Variants in ZNF735 observed in about 807,000 individuals in gnomAD.
The protein encoded by ZNF735 is zinc finger protein 735, also known as putative zinc finger protein 735.
In ZNF735, 11 loss-of-function variants were observed where a neutral mutation model predicts 13.4. That is an observed-to-expected ratio of 0.82 (90% CI 0.52 to 1.36). The LOEUF (loss-of-function observed/expected upper bound fraction) is 1.36, where lower values mean the gene tolerates loss of function less well. Among genes scored for constraint, ZNF735 ranks in the 40% most tolerant of loss-of-function variants. The pLI, the probability that ZNF735 is intolerant of heterozygous loss-of-function variation, is 0.00. For missense variants in ZNF735, 500 were observed against 484.6 expected, an observed-to-expected ratio of 1.03 and a Z score of -0.30; for synonymous variants, 171 against 162.6, an observed-to-expected ratio of 1.05 and a Z score of -0.39.
At chr7:64,208,065 CTGTTA>C (rs1787310691) in intron 1 of ZNF735, among the ~76,000 whole-genome samples, 1 of 151,540 alleles carries the variant, frequency 6.6e-6, no homozygotes, top group Non-Finnish European at 1.5e-5. Flanking sequence ...GAAGAAAAGT[CTGTTA>C]TAAGTTGCAT....
chr7:64,215,891 T>C (rs1787414056), intron 3 of ZNF735, among the ~76,000 whole-genome samples: 1 of 152,222 alleles, frequency 6.6e-6, no homozygotes, highest in African/African-American at 2.4e-5. Flanking sequence ...TGTCTTTGTG[T>C]GAATACCACA....
Position 64,219,832 on chromosome 7 carries a change from A to G in ZNF735, c.781A>G (p.Arg261Gly). ...GCCCTCAAACCTTACTAGACATAAG[A>G]GAATTCACACTGGAGAGAAACCCTA... The change falls in exon 4 of 4, where the codon AGA (arginine) becomes GGA (glycine). Residue 261 changes from arginine (R) to glycine (G), a missense_variant. Coordinates refer to ENST00000429565, the Ensembl canonical transcript of ZNF735. 5 of 1,613,698 alleles carry G rather than the reference A, an allele frequency of 3.1e-6. No homozygotes were observed. The South Asian group carries it at 5.5e-5, about 18-fold the overall frequency.
intron 1 of ZNF735, among the ~76,000 whole-genome samples, chr7:64,211,036 T>C (rs1787354075): frequency 6.6e-6 from 1 of 152,214 alleles, no homozygotes; most frequent in South Asian, 2.1e-4. Flanking sequence ...GTTTGGAAAT[T>C]GCAAATTTTT....
At chr7:64,209,590 G>T (rs561103420) in intron 1 of ZNF735, among the ~76,000 whole-genome samples, 80 of 152,018 alleles carry the variant, frequency 5.3e-4, no homozygotes, top group African/African-American at 1.7e-3. Flanking sequence ...CTCTGAAAGT[G>T]CTGGGATTCC....
chr7:64,212,831 T>C (rs1787376769), intron 1 of ZNF735, among the ~76,000 whole-genome samples: 1 of 151,632 alleles, frequency 6.6e-6, no homozygotes, highest in African/African-American at 2.4e-5. Context: ...GACAAGTCCA[T>C]GTTGATGCCC....
intron 1 of ZNF735, among the ~76,000 whole-genome samples, chr7:64,209,982 G>A (rs1787337292): frequency 6.6e-6 from 1 of 151,806 alleles, no homozygotes; most frequent in Non-Finnish European, 1.5e-5. Context: ...TTTTTGTATT[G>A]AATTATTATT....
At chr7:64,215,749 T>C (rs1787412625) in intron 3 of ZNF735, among the ~76,000 whole-genome samples, 2 of 152,174 alleles carry the variant, frequency 1.3e-5, no homozygotes, top group African/African-American at 4.8e-5. Flanking sequence ...GATATCCAGT[T>C]TTCAACATTA....
At chr7:64,219,208 ATGCCATTT>A (rs1787456800) in intron 3 of ZNF735, 98 bp from the exon 4 acceptor site, 15 of 1,380,050 alleles carry the variant, frequency 1.1e-5, no homozygotes, top group Non-Finnish European at 1.5e-5. Flanking sequence ...GTATTTTGAT[ATGCCATTT>A]TGCTAATGTA....
In ZNF735 at chr7:64,216,123, G is replaced by A. The variant is rs370027601; in HGVS notation, c.262+2015G>A. On this transcript the variant is annotated intron_variant, in intron 3 of 3. Transcript: ENST00000429565. ...ATCCTGGCTAACAAGGTGAAAACCCGTCTCTACTAAAAAATACAAAAAATT... is the reference window on the plus strand; with the variant it reads ...ATCCTGGCTAACAAGGTGAAAACCCATCTCTACTAAAAAATACAAAAAATT... Among the ~76,000 whole-genome samples, 150 of 151,846 alleles carry A rather than the reference G, an allele frequency of 9.9e-4. 2 individuals carry two copies. The South Asian group carries it at 0.027, about 27-fold the overall frequency.
chr7:64,213,248 A>G, intron 2 of ZNF735, 30 bp downstream of exon 2: 1 of 1,560,042 alleles, frequency 6.4e-7, no homozygotes, highest in Non-Finnish European at 8.6e-7. Context: ...ATAATTCCTA[A>G]TATATTGCCG....
Position 64,211,331 on chromosome 7 carries a change from GT to G in ZNF735, c.40-1760del, listed in dbSNP as rs546621534. Among the ~76,000 whole-genome samples, 222 of 152,262 alleles carry G rather than the reference GT, an allele frequency of 1.5e-3. No individual in the cohort carries two copies. The South Asian group carries it at 0.022, about 15-fold the overall frequency. ...AGTTGTCTTTGGATATTAGTGAAAA[GT>G]GAAACATACCTTGTTGAGGTTTCAT... On this transcript the variant is annotated intron_variant, in intron 1 of 3. Transcript: ENST00000429565.
At chr7:64,214,937 T>C (rs117878345) in intron 3 of ZNF735, among the ~76,000 whole-genome samples, 2,108 of 152,224 alleles carry the variant, frequency 0.014, 24 homozygotes, top group Middle Eastern at 0.031. Flanking sequence ...GGTAATTTTG[T>C]TTTGTATTGT....
chr7:64,212,993 T>C, intron 1 of ZNF735, 99 bp from the exon 2 acceptor site: 5 of 1,299,060 alleles, frequency 3.8e-6, no homozygotes, highest in Non-Finnish European at 5.3e-6. Flanking sequence ...TGAGAAACAC[T>C]TCTTTTTACT....
chr7:64,213,141 GGC>G lies in ZNF735; in HGVS notation c.90_91del (p.Trp30Ter), dbSNP rs1562832467. 1 of 1,612,550 alleles carries G rather than the reference GGC, an allele frequency of 6.2e-7. No individual in the cohort carries two copies. Among genetic ancestry groups the G allele is most frequent in the East Asian group, 2.2e-5 (1 of 44,834 alleles). ...GCTATAGAATTCTCTCTGGCGGAGT[GGC>G]AATGCCTGGATCATGCTCAGCAGAA... On this transcript the variant is annotated stop_gained and frameshift_variant, in exon 2 of 4. Coordinates refer to ENST00000429565, the Ensembl canonical transcript of ZNF735. LOFTEE classifies it high-confidence loss of function.
At chr7:64,211,930 T>C (rs1002592562) in intron 1 of ZNF735, among the ~76,000 whole-genome samples, 25 of 150,836 alleles carry the variant, frequency 1.7e-4, no homozygotes, top group African/African-American at 6.1e-4. Context: ...AATGTAGTTA[T>C]AATTTACTTT....
exon 2 of ZNF735, chr7:64,213,145 A>G: frequency 6.2e-7 from 1 of 1,613,076 alleles, no homozygotes. Flanking sequence ...CGGAGTGGCA[A>G]TGCCTGGATC....
intron 3 of ZNF735, among the ~76,000 whole-genome samples, chr7:64,214,764 A>G (rs1309240950): frequency 1.3e-5 from 2 of 151,990 alleles, no homozygotes; most frequent in Admixed American, 1.3e-4. Context: ...GCTGTATTAT[A>G]TAATAATTTC....
intron 1 of ZNF735, among the ~76,000 whole-genome samples, chr7:64,210,152 T>C (rs1240713322): frequency 6.6e-6 from 1 of 152,230 alleles, no homozygotes; most frequent in African/African-American, 2.4e-5. Flanking sequence ...AGCACAGTGT[T>C]CTGTGATATG....
chr7:64,217,079 C>T (rs1327930679), intron 3 of ZNF735, among the ~76,000 whole-genome samples: 1 of 152,118 alleles, frequency 6.6e-6, no homozygotes, highest in Non-Finnish European at 1.5e-5. Flanking sequence ...AATGTAATCT[C>T]CACTGTTGGA....
Sources: allele counts gnomAD v4.1 joint callset (sites outside exome capture counted in the v4.1 genomes callset), GRCh38; gene constraint gnomAD v4.1.1; transcripts MANE v1.5; gene names NCBI Gene and HGNC (gene_info 2026-07-23, HGNC 2026-07-21).